Variants in SUGCT observed in about 807,000 individuals in gnomAD.
SUGCT encodes succinyl-CoA:glutarate CoA-transferase.
Under a neutral mutation model 55.0 loss-of-function variants are expected in SUGCT, and 41 were observed. The ratio of observed to expected loss-of-function variants is 0.74; its 90% confidence interval spans 0.58 to 0.97. SUGCT has a LOEUF of 0.97. Ranked by LOEUF, SUGCT falls within the 50% of genes least tolerant of loss-of-function variation. The pLI, the probability that SUGCT is intolerant of heterozygous loss-of-function variation, is 0.00. For synonymous variants in SUGCT, 187 were observed against 200.4 expected (o/e 0.93, Z 0.56); for missense variants, 568 against 547.8 (o/e 1.04, Z -0.37).
At chr7:40,367,212 C>T (rs1017312511) in intron 9 of SUGCT, among the ~76,000 whole-genome samples, 6 of 135,332 alleles carry the variant, frequency 4.4e-5, no homozygotes, top group African/African-American at 1.4e-4. Context: ...GGGAATTGAA[C>T]AATGAGAACA....
At chr7:40,526,501 T>A (rs966671554) in intron 12 of SUGCT, among the ~76,000 whole-genome samples, 17 of 152,180 alleles carry the variant, frequency 1.1e-4, no homozygotes, top group Non-Finnish European at 2.9e-5. Context: ...TGGACCTCAC[T>A]CCCAGAGTTT....
intron 1 of SUGCT, among the ~76,000 whole-genome samples, chr7:40,163,447 TAC>T (rs1224158661): frequency 4.6e-5 from 7 of 151,714 alleles, no homozygotes; most frequent in Non-Finnish European, 1.0e-4. Flanking sequence ...CTACTACAAA[TAC>T]AAAAAATTAG....
chr7:40,779,039 G>C (rs1370444851), intron 13 of SUGCT, among the ~76,000 whole-genome samples: 1 of 152,138 alleles, frequency 6.6e-6, no homozygotes, highest in Non-Finnish European at 1.5e-5. Context: ...AACAGATCAG[G>C]CAGAATGGCT....
intron 9 of SUGCT, among the ~76,000 whole-genome samples, chr7:40,337,355 G>A (rs192442485): frequency 1.0e-3 from 155 of 152,272 alleles, no homozygotes; most frequent in African/African-American, 3.3e-3. Context: ...GGGTGTTAAA[G>A]TCTCCCATTA....
chr7:40,714,686 T>G lies in SUGCT; in HGVS notation c.1090-34748T>G, dbSNP rs1007722494. On this transcript the variant is annotated intron_variant, in intron 12 of 13. Coordinates refer to ENST00000335693, the MANE Select transcript of SUGCT (RefSeq NM_001193313.2). ...AGAGTTCACACTGGCTTTTATCAAT[T>G]AAGTCACAAATAGTTTTTCTCAGAA... 7.9e-5 allele frequency among the ~76,000 whole-genome samples: 12 copies of G among 152,320 alleles called. No individual in the cohort carries two copies. The Middle Eastern group carries it at 0.01, about 130-fold the overall frequency.
intron 9 of SUGCT, among the ~76,000 whole-genome samples, chr7:40,361,547 C>T (rs1212530158): frequency 6.6e-6 from 1 of 150,770 alleles, no homozygotes; most frequent in Non-Finnish European, 1.5e-5. Flanking sequence ...GCACTCCAGC[C>T]TGGGCGACAC....
At chr7:40,647,046 A>G (rs1800552965) in intron 12 of SUGCT, among the ~76,000 whole-genome samples, 2 of 152,168 alleles carry the variant, frequency 1.3e-5, no homozygotes, top group African/African-American at 4.8e-5. Context: ...GGCTGGGTAC[A>G]CCTGAGTGTC....
In SUGCT at chr7:40,818,897, A is replaced by G. The variant is rs1248928647; in HGVS notation, c.1154-41419A>G. On this transcript the variant is annotated intron_variant, in intron 13 of 13. Coordinates refer to ENST00000335693, the MANE Select transcript of SUGCT (RefSeq NM_001193313.2). Reference sequence around the variant, plus strand: ...TACATTAGGTATATCTCCTAATGCTATCCCTCCCCCCTCCCCCCACCCCAC... The same window carrying G: ...TACATTAGGTATATCTCCTAATGCTGTCCCTCCCCCCTCCCCCCACCCCAC... 2.3e-5 allele frequency among the ~76,000 whole-genome samples: 3 copies of G among 130,606 alleles called. No homozygotes were observed. The South Asian group carries it at 9.8e-4, about 43-fold the overall frequency. 85.7% of individuals were successfully genotyped at this position (130,606 alleles called of 152,430 possible).
intron 12 of SUGCT, among the ~76,000 whole-genome samples, chr7:40,586,879 G>A (rs544405099): frequency 2.6e-5 from 4 of 152,174 alleles, no homozygotes; most frequent in Non-Finnish European, 4.4e-5. Flanking sequence ...GTAGGAAATA[G>A]CCTAAATGTC....
chr7:41,015,118 A>G, the SUGCT span, among the ~76,000 whole-genome samples: 2 of 152,200 alleles, frequency 1.3e-5, no homozygotes, highest in Non-Finnish European at 2.9e-5. Context: ...TTCCCTCTCC[A>G]TGGTCCAGTG....
intron 9 of SUGCT, among the ~76,000 whole-genome samples, chr7:40,347,446 AT>A (rs1797375341): frequency 6.6e-6 from 1 of 152,166 alleles, no homozygotes; most frequent in African/African-American, 2.4e-5. Context: ...GAAACTGGTT[AT>A]TTAGCTTGAG....
chr7:40,189,307 A>C (rs1233997291), intron 4 of SUGCT, among the ~76,000 whole-genome samples: 1 of 151,800 alleles, frequency 6.6e-6, no homozygotes, highest in Non-Finnish European at 1.5e-5. Flanking sequence ...GCACCACTGC[A>C]CTCCAGCCTG....
At chr7:40,593,326 C>T (rs180760695) in intron 12 of SUGCT, among the ~76,000 whole-genome samples, 1 of 152,234 alleles carries the variant, frequency 6.6e-6, no homozygotes, top group Non-Finnish European at 1.5e-5. Flanking sequence ...GCCCAGCAAC[C>T]AGTGCCAGAG....
the SUGCT span, among the ~76,000 whole-genome samples, chr7:40,929,375 A>G: frequency 6.6e-6 from 1 of 152,194 alleles, no homozygotes; most frequent in Non-Finnish European, 1.5e-5. Context: ...ATAATGCCGC[A>G]ATAAACACAC....
At chr7:40,912,948 A>G in the SUGCT span, among the ~76,000 whole-genome samples, 1 of 151,872 alleles carries the variant, frequency 6.6e-6, no homozygotes, top group African/African-American at 2.4e-5. Flanking sequence ...TGACTGCTCC[A>G]GTCCTGCCAT....
chr7:40,931,496 G>GTTTT, the SUGCT span, among the ~76,000 whole-genome samples: 1 of 152,156 alleles, frequency 6.6e-6, no homozygotes, highest in Non-Finnish European at 1.5e-5. Context: ...CAGAAGGAAT[G>GTTTT]GTACCATCTC....
At chr7:40,654,895 T>C (rs1268405082) in intron 12 of SUGCT, among the ~76,000 whole-genome samples, 2 of 152,180 alleles carry the variant, frequency 1.3e-5, no homozygotes, top group Non-Finnish European at 2.9e-5. Flanking sequence ...AAATAGACAA[T>C]ACAATTAGAG....
chr7:40,413,132 C>T (rs546092032), intron 9 of SUGCT, among the ~76,000 whole-genome samples: 90 of 152,242 alleles, frequency 5.9e-4, no homozygotes, highest in African/African-American at 2.0e-3. Flanking sequence ...TCACATCTAA[C>T]ATTGAATGGC....
chr7:40,660,235 G>A (rs915868594), intron 12 of SUGCT, among the ~76,000 whole-genome samples: 1 of 152,096 alleles, frequency 6.6e-6, no homozygotes, highest in Non-Finnish European at 1.5e-5. Flanking sequence ...AGTGAAATGG[G>A]GTAAGGCAGA....
Sources: allele counts gnomAD v4.1 joint callset (sites outside exome capture counted in the v4.1 genomes callset), GRCh38; gene constraint gnomAD v4.1.1; transcripts MANE v1.5; gene names NCBI Gene and HGNC (gene_info 2026-07-23, HGNC 2026-07-21).